Variants in TPH2 observed in about 807,000 individuals in gnomAD.
TPH2 encodes the protein tryptophan hydroxylase 2.
In TPH2, 27 loss-of-function variants were observed where a neutral mutation model predicts 59.1. That is an observed-to-expected ratio of 0.46 (90% CI 0.34 to 0.63). TPH2 has a LOEUF of 0.63. TPH2 is among the 30% of genes least tolerant of loss of function. The pLI, the probability that TPH2 is intolerant of heterozygous loss-of-function variation, is 0.01. For missense variants in TPH2, 523 were observed against 588.3 expected, an observed-to-expected ratio of 0.89 and a Z score of 1.15; for synonymous variants, 220 against 210.5, an observed-to-expected ratio of 1.05 and a Z score of -0.39.
intron 4 of TPH2, among the ~76,000 whole-genome samples, chr12:71,947,060 G>A (rs1054338992): frequency 5.3e-5 from 8 of 152,176 alleles, no homozygotes; most frequent in African/African-American, 1.7e-4. Context: ...ATGCTCATCT[G>A]AAGCCTACTG....
intron 5 of TPH2, among the ~76,000 whole-genome samples, chr12:71,957,073 G>A (rs542177062): frequency 4.2e-4 from 64 of 152,078 alleles, no homozygotes; most frequent in Non-Finnish European, 8.5e-4. Context: ...TTGAATTCCC[G>A]CTCTACCACT....
intron 7 of TPH2, among the ~76,000 whole-genome samples, chr12:71,986,360 C>G (rs1353625022): frequency 6.6e-6 from 1 of 152,178 alleles, no homozygotes; most frequent in Non-Finnish European, 1.5e-5. Flanking sequence ...TAGACCTGGA[C>G]TCCCAAGTTT....
At chr12:71,974,005 G>A (rs902989742) in intron 6 of TPH2, among the ~76,000 whole-genome samples, 1 of 151,574 alleles carries the variant, frequency 6.6e-6, no homozygotes, top group African/African-American at 2.4e-5. Flanking sequence ...CGGTGGTCCC[G>A]CTTTCTCCTC....
chr12:71,965,786 C>T (rs1330403488), intron 5 of TPH2, among the ~76,000 whole-genome samples: 1 of 152,148 alleles, frequency 6.6e-6, no homozygotes, highest in Non-Finnish European at 1.5e-5. Flanking sequence ...TTGGTAGTTC[C>T]TTTTGCTGCG....
chr12:72,004,291 G>A lies in TPH2; in HGVS notation c.1068+9726G>A, dbSNP rs1044189499. Among the ~76,000 whole-genome samples the A allele has an allele frequency of 1.1e-4, 17 of 150,596 alleles. 1 individual carries two copies. The highest frequency in any genetic ancestry group is 3.4e-4 in the African/African-American group (14 of 41,270). ...TTGTCTCAAATGTCATCTTTCAATT[G>A]AAGATATTCTTCTACTGCCCAATGT... On this transcript the variant is annotated intron_variant, in intron 8 of 10. Coordinates refer to ENST00000333850, the MANE Select transcript of TPH2 (RefSeq NM_173353.4).
intron 7 of TPH2, among the ~76,000 whole-genome samples, chr12:71,992,188 T>C (rs1204671822): frequency 6.6e-6 from 1 of 152,234 alleles, no homozygotes; most frequent in Non-Finnish European, 1.5e-5. Flanking sequence ...GCCTAAGCTA[T>C]GTACGCCCCA....
At position 71,994,489 on chromosome 12, in the gene TPH2, A is replaced by G; in HGVS notation, c.992A>G (p.Lys331Arg). Reference protein sequence around the residue: ...LGHVPLLADPKFAQFSQEIGL... With the variant: ...LGHVPLLADPRFAQFSQEIGL... ...CATGTTCCACTACTTGCGGATCCTA[A>G]GTTTGCTCAGTTTTCACAAGAAATA... The change falls in exon 8 of 11, where the codon AAG becomes AGG. Residue 331 changes from lysine to arginine, a missense_variant. Lys to Arg is a conservative substitution (Grantham distance 26). Coordinates refer to ENST00000333850, the MANE Select transcript of TPH2 (RefSeq NM_173353.4). The G allele has an allele frequency of 2.5e-6, 4 of 1,614,010 alleles. No individual in the cohort carries two copies. Among genetic ancestry groups the G allele is most frequent in the Non-Finnish European group, 3.4e-6 (4 of 1,179,894 alleles).
chr12:71,978,815 G>A, intron 6 of TPH2, 137 bp from the exon 7 acceptor site: 1 of 1,062,988 alleles, frequency 9.4e-7, no homozygotes, highest in Middle Eastern at 2.0e-4. Context: ...AACAGTATAT[G>A]TCACTCAGTT....
In TPH2 at chr12:72,023,429, CTTCA is replaced by C. The variant is rs137875266; in HGVS notation, c.1164+959_1164+962del. Among the ~76,000 whole-genome samples the C allele has an allele frequency of 1.4e-3, 216 of 151,984 alleles. 4 individuals are homozygous for C. In the East Asian group the frequency reaches 0.015, roughly 11 times the overall value. On this transcript the variant is annotated intron_variant, in intron 9 of 10. Coordinates refer to ENST00000333850, the MANE Select transcript of TPH2 (RefSeq NM_173353.4). The stretch of plus-strand genomic sequence containing the variant: ...TTTATTGAGTCTGGTCATTTTATGA[CTTCA>C]TTCATTCATTCATTCATTCATTCCT...
chr12:71,954,252 A>G (rs1871433025), intron 5 of TPH2, among the ~76,000 whole-genome samples: 1 of 152,150 alleles, frequency 6.6e-6, no homozygotes, highest in African/African-American at 2.4e-5. Flanking sequence ...GCTGAGAAAC[A>G]TGATTGATTA....
At chr12:71,942,883 G>C (rs1342579569) in intron 2 of TPH2, among the ~76,000 whole-genome samples, 6 of 152,186 alleles carry the variant, frequency 3.9e-5, no homozygotes, top group Non-Finnish European at 7.3e-5. Context: ...TCCATACAGT[G>C]CCAACGGCAG....
chr12:71,994,461 G>A lies in TPH2; in HGVS notation c.964G>A (p.Gly322Arg). The change falls in exon 8 of 11, where the codon GGA becomes AGA. Residue 322 changes from glycine (G) to arginine (R), a missense_variant. Coordinates refer to ENST00000333850, the MANE Select transcript of TPH2 (RefSeq NM_173353.4). ...CAGAGACACATGCCATGAACTCTTG[G>A]GACATGTTCCACTACTTGCGGATCC... The part of the protein sequence containing the change: ...PEPDTCHELL[G>R]HVPLLADPKF... 1.2e-6 allele frequency: 2 copies of A among 1,613,878 alleles called. No individual in the cohort carries two copies. The highest frequency in any genetic ancestry group is 1.1e-5 in the South Asian group (1 of 91,068).
intron 9 of TPH2, among the ~76,000 whole-genome samples, chr12:72,030,097 G>T (rs1465905071): frequency 2.0e-5 from 3 of 152,084 alleles, no homozygotes; most frequent in Non-Finnish European, 4.4e-5. Context: ...GATTGCTGAG[G>T]TTACCCAGTT....
chr12:72,001,619 T>C (rs1456390041), intron 8 of TPH2, among the ~76,000 whole-genome samples: 1 of 152,110 alleles, frequency 6.6e-6, no homozygotes, highest in Admixed American at 6.5e-5. Context: ...AGTTTTGCCA[T>C]GTTGGCCAGG....
At position 72,031,280 on chromosome 12, in the gene TPH2, G is replaced by T. The variant is rs1456779951; in HGVS notation, c.1187G>T (p.Cys396Phe). ...CAGCACGCCCTTTCTGACAAGGCATGTGTGAAAGCCTTTGACCCAAAGACA... is the reference window on the plus strand; with the variant it reads ...CAGCACGCCCTTTCTGACAAGGCATTTGTGAAAGCCTTTGACCCAAAGACA... ...ELKHALSDKA[C>F]VKAFDPKTTC... Residue 396 changes from cysteine to phenylalanine, a missense_variant, in exon 10 of 11, where the codon TGT becomes TTT. Cys to Phe is a radical substitution (Grantham distance 205). Transcript: ENST00000333850. 1 of 1,613,548 alleles carries T rather than the reference G, an allele frequency of 6.2e-7. No homozygotes were observed. The highest frequency in any genetic ancestry group is 2.2e-5 in the East Asian group (1 of 44,868).
intron 4 of TPH2, among the ~76,000 whole-genome samples, chr12:71,944,957 A>T (rs1173900795): frequency 6.6e-6 from 1 of 152,202 alleles, no homozygotes; most frequent in Non-Finnish European, 1.5e-5. Flanking sequence ...TTTCTGTGGA[A>T]TTAGACAGCC....
rs551521452 is a variant in TPH2, at chr12:72,016,661, T to A, written c.1069-5738T>A. 2.0e-5 allele frequency among the ~76,000 whole-genome samples: 3 copies of A among 152,270 alleles called. No homozygotes were observed. The East Asian group carries it at 5.8e-4, about 29-fold the overall frequency. Reference sequence around the variant, plus strand: ...AGTTAATGGAATTCTAGATGTGGAATGATGTATGTGATTATTTTAAAATAT... The same window carrying A: ...AGTTAATGGAATTCTAGATGTGGAAAGATGTATGTGATTATTTTAAAATAT... On this transcript the variant is annotated intron_variant, in intron 8 of 10. Transcript: ENST00000333850.
At chr12:71,993,136 C>T (rs781497717) in intron 7 of TPH2, among the ~76,000 whole-genome samples, 1 of 152,164 alleles carries the variant, frequency 6.6e-6, no homozygotes, top group Non-Finnish European at 1.5e-5. Context: ...ATTGGGGATA[C>T]GGTTTGAGTT....
chr12:71,967,954 T>A (rs542213910), intron 5 of TPH2, among the ~76,000 whole-genome samples: 1 of 152,332 alleles, frequency 6.6e-6, no homozygotes, highest in South Asian at 2.1e-4. Flanking sequence ...TGTGTGTGGA[T>A]GTGCATGTGT....
Sources: allele counts gnomAD v4.1 joint callset (sites outside exome capture counted in the v4.1 genomes callset), GRCh38; gene constraint gnomAD v4.1.1; transcripts MANE v1.5; gene names NCBI Gene and HGNC (gene_info 2026-07-23, HGNC 2026-07-21).